Variants in MUSK observed in about 807,000 individuals in gnomAD.
MUSK encodes muscle associated receptor tyrosine kinase.
Under a neutral mutation model 88.7 loss-of-function variants are expected in MUSK, and 55 were observed. The ratio of observed to expected loss-of-function variants is 0.62; its 90% CI spans 0.50 to 0.78. MUSK has a LOEUF of 0.78. Among genes scored for constraint, MUSK ranks in the 30% least tolerant of loss-of-function variants. MUSK has a pLI of 0.00. For missense variants in MUSK, 1,015 were observed against 1,074.3 expected, an observed-to-expected ratio of 0.94 and a Z score of 0.77; for synonymous variants, 387 against 391.9, an observed-to-expected ratio of 0.99 and a Z score of 0.15.
Position 110,800,485 on chromosome 9 carries a change from C to A in MUSK, c.2107C>A (p.Leu703Ile). Residue 703 changes from leucine to isoleucine, a missense_variant, in exon 15 of 15, where the codon CTT becomes ATT. By Grantham distance (5) the Leu-to-Ile change is conservative. Coordinates refer to ENST00000374448, the MANE Select transcript of MUSK (RefSeq NM_005592.4). Reference protein sequence around the residue: ...GPPPLSCAEQLCIARQVAAGM... With the variant: ...GPPPLSCAEQICIARQVAAGM... ...CCCACCCCTCTCCTGTGCTGAGCAG[C>A]TTTGCATTGCCAGGCAGGTGGCAGC... 6.2e-7 allele frequency: 1 copy of A among 1,613,910 alleles called. No homozygotes were observed. The highest frequency in any genetic ancestry group is 8.5e-7 in the Non-Finnish European group (1 of 1,179,872).
chr9:110,723,816 G>A (rs1587956685), intron 5 of MUSK, among the ~76,000 whole-genome samples: 1 of 152,104 alleles, frequency 6.6e-6, no homozygotes, highest in East Asian at 1.9e-4. Flanking sequence ...CTGATCTGGG[G>A]TTTCATGTAT....
At chr9:110,735,931 AT>A (rs1384909406) in intron 6 of MUSK, among the ~76,000 whole-genome samples, 1 of 152,096 alleles carries the variant, frequency 6.6e-6, no homozygotes, top group African/African-American at 2.4e-5. Context: ...GTGTTAACCC[AT>A]TCATGAGACT....
intron 5 of MUSK, among the ~76,000 whole-genome samples, chr9:110,722,384 GC>G (rs1342359462): frequency 3.9e-5 from 6 of 151,968 alleles, no homozygotes; most frequent in Non-Finnish European, 8.8e-5. Flanking sequence ...ACAAAAATTA[GC>G]TGGGTGTGGT....
intron 3 of MUSK, among the ~76,000 whole-genome samples, chr9:110,692,650 C>G (rs1039353508): frequency 9.9e-5 from 15 of 151,536 alleles, no homozygotes; most frequent in Non-Finnish European, 1.6e-4. Flanking sequence ...TGAATGTGGT[C>G]TCCAGTATGA....
intron 7 of MUSK, among the ~76,000 whole-genome samples, chr9:110,758,935 T>C (rs2077362309): frequency 6.6e-6 from 1 of 152,150 alleles, no homozygotes; most frequent in African/African-American, 2.4e-5. Context: ...ATGCTACTGC[T>C]ATCAAACAAC....
chr9:110,797,288 CAAACA>C (rs960975529), intron 14 of MUSK, among the ~76,000 whole-genome samples: 35 of 119,088 alleles, frequency 2.9e-4, no homozygotes, highest in African/African-American at 4.0e-4. Flanking sequence ...AAAAAACAAA[CAAACA>C]AAAAAAAAGT....
chr9:110,705,338 C>G (rs1296127001), intron 5 of MUSK, among the ~76,000 whole-genome samples: 2 of 152,068 alleles, frequency 1.3e-5, no homozygotes, highest in African/African-American at 2.4e-5. Flanking sequence ...GGTGGAGGTT[C>G]TGATGAACAG....
At chr9:110,670,798 T>C (rs1009978157) in intron 1 of MUSK, among the ~76,000 whole-genome samples, 2 of 152,100 alleles carry the variant, frequency 1.3e-5, no homozygotes, top group Non-Finnish European at 2.9e-5. Flanking sequence ...TTAGTATGAG[T>C]TTAACATCAC....
intron 7 of MUSK, among the ~76,000 whole-genome samples, chr9:110,755,080 T>C (rs2077294158): frequency 6.6e-6 from 1 of 152,242 alleles, no homozygotes; most frequent in Non-Finnish European, 1.5e-5. Flanking sequence ...ACATTTATAA[T>C]GATTTTCCTA....
chr9:110,678,827 T>C (rs905506306), intron 1 of MUSK, among the ~76,000 whole-genome samples: 28 of 152,154 alleles, frequency 1.8e-4, no homozygotes, highest in Non-Finnish European at 3.8e-4. Flanking sequence ...TTACTAATTC[T>C]GCTATTCTGT....
chr9:110,764,641 A>G (rs1328026256), intron 8 of MUSK, among the ~76,000 whole-genome samples: 4 of 151,654 alleles, frequency 2.6e-5, no homozygotes, highest in Non-Finnish European at 5.9e-5. Flanking sequence ...ATAGATAGGT[A>G]GGTAGATCAT....
At chr9:110,692,680 G>T (rs1346059966) in intron 3 of MUSK, among the ~76,000 whole-genome samples, 1 of 151,882 alleles carries the variant, frequency 6.6e-6, no homozygotes, top group Non-Finnish European at 1.5e-5. Flanking sequence ...CATTCTGAGT[G>T]TTTTGGTCTT....
chr9:110,701,065 G>A (rs1325427714), intron 5 of MUSK, among the ~76,000 whole-genome samples: 2 of 152,162 alleles, frequency 1.3e-5, no homozygotes, highest in African/African-American at 4.8e-5. Flanking sequence ...CTAGGAAGGA[G>A]AAATTAGGGT....
intron 7 of MUSK, among the ~76,000 whole-genome samples, chr9:110,761,367 C>T (rs979607824): frequency 9.9e-5 from 15 of 152,032 alleles, no homozygotes; most frequent in African/African-American, 2.9e-4. Context: ...AAATTAAGCC[C>T]GAGGCCCTTC....
intron 9 of MUSK, among the ~76,000 whole-genome samples, chr9:110,769,255 ACT>A (rs924545143): frequency 1.3e-5 from 2 of 152,114 alleles, no homozygotes; most frequent in East Asian, 1.9e-4. Context: ...ATTTGAGGAC[ACT>A]CTCTATTTAG....
chr9:110,685,702 C>T (rs146591622), intron 2 of MUSK, among the ~76,000 whole-genome samples: 20 of 152,198 alleles, frequency 1.3e-4, no homozygotes, highest in African/African-American at 2.9e-4. Flanking sequence ...CATATTTCTA[C>T]GAATAGTCTG....
chr9:110,734,353 C>A lies in MUSK; in HGVS notation c.731C>A (p.Thr244Asn), dbSNP rs373192504. Residue 244 changes from threonine (T) to asparagine (N), a missense_variant, in exon 6 of 15, where the codon ACC (threonine) becomes AAC (asparagine). By Grantham distance (65) the Thr-to-Asn change is moderately conservative (BLOSUM62 0). Transcript: ENST00000374448. Reference sequence around the variant, plus strand: ...ACAGGCATTCCTGTCCCCACCATCACCTGGATTGAAAACGGAAATGCTGTG... The same window carrying A: ...ACAGGCATTCCTGTCCCCACCATCAACTGGATTGAAAACGGAAATGCTGTG... ...TATGIPVPTI[T>N]WIENGNAVSS... 6.2e-7 allele frequency: 1 copy of A among 1,613,216 alleles called. No individual in the cohort carries two copies. The highest frequency in any genetic ancestry group is 8.5e-7 in the Non-Finnish European group (1 of 1,179,426).
rs2076762329 is a variant in MUSK, at chr9:110,717,672, T to C, written c.629-16579T>C. On this transcript the variant is annotated intron_variant, in intron 5 of 14. Coordinates refer to ENST00000374448, the MANE Select transcript of MUSK (RefSeq NM_005592.4). ...GCAGATATCTTTGTCTTTGTCTTTG[T>C]ATGTTTGAAAATGCCACTATTTTAC... Among the ~76,000 whole-genome samples, 4 of 150,068 alleles carry C rather than the reference T, an allele frequency of 2.7e-5. 1 individual carries two copies. Among genetic ancestry groups the C allele is most frequent in the South Asian group, 2.1e-4 (1 of 4,764 alleles).
chr9:110,669,032 G>A (rs775462791), intron 1 of MUSK, 49 bp downstream of exon 1: 4 of 1,507,248 alleles, frequency 2.7e-6, no homozygotes, highest in Admixed American at 1.7e-5. Flanking sequence ...TGGTTGTAAA[G>A]TGTGTGTATA....
Sources: allele counts gnomAD v4.1 joint callset (sites outside exome capture counted in the v4.1 genomes callset), GRCh38; gene constraint gnomAD v4.1.1; transcripts MANE v1.5; gene names NCBI Gene and HGNC (gene_info 2026-07-23, HGNC 2026-07-21).